The following GHR variants were observed in gnomAD, a reference collection of about 807,000 sequenced individuals.
The protein encoded by GHR is growth hormone receptor.
In GHR, 35 loss-of-function variants were observed where a neutral mutation model predicts 67.1. The ratio of observed to expected loss-of-function variants is 0.52; its 90% CI spans 0.40 to 0.69. The LOEUF is 0.69. GHR is among the 30% of genes least tolerant of loss of function. The pLI, the probability that GHR is intolerant of heterozygous loss-of-function variation, is 0.00. For synonymous variants in GHR, 272 were observed against 269.1 expected (o/e 1.01, Z -0.10); for missense variants, 792 against 764.6 (o/e 1.04, Z -0.42).
intron 4 of GHR, among the ~76,000 whole-genome samples, chr5:42,690,646 TA>T (rs1757379687): frequency 6.6e-6 from 1 of 152,108 alleles, no homozygotes; most frequent in Admixed American, 6.6e-5. Flanking sequence ...AATTTGCAGA[TA>T]AAAAAATACT....
At chr5:42,707,846 T>C (rs1758256665) in intron 6 of GHR, among the ~76,000 whole-genome samples, 1 of 152,134 alleles carries the variant, frequency 6.6e-6, no homozygotes, top group African/African-American at 2.4e-5. Flanking sequence ...TTATATTGCA[T>C]ATTTCTTAAC....
At chr5:42,611,004 G>C (rs769099164) in intron 2 of GHR, among the ~76,000 whole-genome samples, 1 of 152,148 alleles carries the variant, frequency 6.6e-6, no homozygotes, top group Non-Finnish European at 1.5e-5. Flanking sequence ...AAACCTTCTG[G>C]GAGTGATGGG....
chr5:42,441,514 G>GTT (rs35357870), intron 1 of GHR, among the ~76,000 whole-genome samples: 2 of 147,004 alleles, frequency 1.4e-5, no homozygotes, highest in Non-Finnish European at 3.0e-5. Context: ...TAAAGGAGGA[G>GTT]TTTTTTTTTT....
chr5:42,474,915 G>A (rs181823042), intron 1 of GHR, among the ~76,000 whole-genome samples: 100 of 116,028 alleles, frequency 8.6e-4, no homozygotes, highest in African/African-American at 3.0e-3. Flanking sequence ...ACAGAGTCTC[G>A]CTCTGTTGCC....
intron 3 of GHR, among the ~76,000 whole-genome samples, chr5:42,650,800 T>C (rs1754986523): frequency 6.6e-6 from 1 of 152,050 alleles, no homozygotes; most frequent in South Asian, 2.1e-4. Context: ...CTGAACCAGA[T>C]TCCCCAAATA....
intron 1 of GHR, among the ~76,000 whole-genome samples, chr5:42,525,173 C>A (rs1196779447): frequency 6.6e-6 from 1 of 152,194 alleles, no homozygotes; most frequent in African/African-American, 2.4e-5. Flanking sequence ...GCTGGAAAAG[C>A]CGCAGTCACT....
At chr5:42,602,045 T>A (rs181517370) in intron 2 of GHR, among the ~76,000 whole-genome samples, 2,581 of 152,280 alleles carry the variant, frequency 0.017, 25 homozygotes, top group Non-Finnish European at 0.025. Context: ...CTGTATTTTT[T>A]AAATTATTGT....
chr5:42,661,161 C>A (rs1242338790), intron 3 of GHR, among the ~76,000 whole-genome samples: 1 of 152,140 alleles, frequency 6.6e-6, no homozygotes, highest in Non-Finnish European at 1.5e-5. Flanking sequence ...GAGAATGGAA[C>A]CAAGTTGGAA....
chr5:42,466,651 T>A (rs1744746135), intron 1 of GHR, among the ~76,000 whole-genome samples: 2 of 152,236 alleles, frequency 1.3e-5, no homozygotes, highest in African/African-American at 4.8e-5. Flanking sequence ...TCAGAAAACA[T>A]GACCACTTAA....
At chr5:42,600,452 C>T (rs1369021057) in intron 2 of GHR, among the ~76,000 whole-genome samples, 2 of 152,214 alleles carry the variant, frequency 1.3e-5, no homozygotes, top group Non-Finnish European at 2.9e-5. Flanking sequence ...GGCCATTCTA[C>T]TCTGACATGC....
intron 8 of GHR, 146 bp downstream of exon 8, chr5:42,713,665 T>A: frequency 1.6e-6 from 1 of 638,822 alleles, no homozygotes; most frequent in South Asian, 1.7e-5. Context: ...CAGTTATATA[T>A]TTACCATTCA....
chr5:42,467,409 C>G, intron 1 of GHR: 1 of 925,002 alleles, frequency 1.1e-6, no homozygotes, highest in Admixed American at 1.8e-5. Flanking sequence ...TGTGGATCCT[C>G]TGGTGGACAA....
chr5:42,651,883 G>A (rs1202907903), intron 3 of GHR, among the ~76,000 whole-genome samples: 1 of 152,066 alleles, frequency 6.6e-6, no homozygotes, highest in Non-Finnish European at 1.5e-5. Context: ...AAAAAATACA[G>A]TATTTTAAAT....
At chr5:42,533,144 C>G (rs1035617705) in intron 1 of GHR, among the ~76,000 whole-genome samples, 1 of 152,068 alleles carries the variant, frequency 6.6e-6, no homozygotes, top group Non-Finnish European at 1.5e-5. Context: ...GTGAATTGCT[C>G]TATCACTGTT....
intron 1 of GHR, among the ~76,000 whole-genome samples, chr5:42,560,270 T>C (rs1749531196): frequency 6.6e-6 from 1 of 152,168 alleles, no homozygotes; most frequent in Non-Finnish European, 1.5e-5. Context: ...CTCGGCTCAC[T>C]GCAACCTCCG....
chr5:42,439,499 G>A (rs1013554485), intron 1 of GHR, among the ~76,000 whole-genome samples: 7 of 152,316 alleles, frequency 4.6e-5, no homozygotes, highest in South Asian at 2.1e-4. Context: ...GCCACTTGCA[G>A]TTTAATAAAT....
chr5:42,590,988 C>T (rs1302277898), intron 2 of GHR, among the ~76,000 whole-genome samples: 1 of 152,198 alleles, frequency 6.6e-6, no homozygotes, highest in Non-Finnish European at 1.5e-5. Flanking sequence ...CCCTGTTGGC[C>T]ACCCACCTCA....
intron 1 of GHR, among the ~76,000 whole-genome samples, chr5:42,490,282 T>C (rs897121886): frequency 1.3e-5 from 2 of 152,252 alleles, no homozygotes; most frequent in East Asian, 1.9e-4. Flanking sequence ...TAAATTCTGG[T>C]TCACAATTTT....
chr5:42,456,524 G>GA (rs1033697625), intron 1 of GHR, among the ~76,000 whole-genome samples: 11 of 150,356 alleles, frequency 7.3e-5, no homozygotes, highest in East Asian at 3.9e-4. Flanking sequence ...TACCAACATA[G>GA]AAAAAAAAAG....
Sources: allele counts gnomAD v4.1 joint callset (sites outside exome capture counted in the v4.1 genomes callset), GRCh38; gene constraint gnomAD v4.1.1; transcripts MANE v1.5; gene names NCBI Gene and HGNC (gene_info 2026-07-23, HGNC 2026-07-21).